The following AP3B1 variants were observed in gnomAD, a reference collection of about 807,000 sequenced individuals.
AP3B1 encodes the protein adaptor related protein complex 3 subunit beta 1.
Under a neutral mutation model 132.5 loss-of-function variants are expected in AP3B1, and 61 were observed. The ratio of observed to expected loss-of-function variants is 0.46; its 90% CI spans 0.37 to 0.57. The LOEUF is 0.57. AP3B1 is among the 20% of genes least tolerant of loss of function. AP3B1 has a pLI of 0.00. For synonymous variants in AP3B1, 388 were observed against 438.3 expected (o/e 0.89, Z 1.43); for missense variants, 1,120 against 1,289.4 (o/e 0.87, Z 2.01).
chr5:78,087,765 A>AT (rs774197593), intron 22 of AP3B1: 6 of 848,370 alleles, frequency 7.1e-6, no homozygotes, highest in Non-Finnish European at 8.5e-6. Context: ...AAGCTTTTCT[A>AT]ATCTCAACTG....
At chr5:78,201,622 G>T (rs1745291813) in intron 7 of AP3B1, among the ~76,000 whole-genome samples, 1 of 152,132 alleles carries the variant, frequency 6.6e-6, no homozygotes, top group African/African-American at 2.4e-5. Flanking sequence ...ATTAATCTTT[G>T]TTATCAGTAA....
At chr5:78,237,039 T>C (rs1007780637) in intron 3 of AP3B1, among the ~76,000 whole-genome samples, 5 of 152,246 alleles carry the variant, frequency 3.3e-5, no homozygotes, top group Admixed American at 3.3e-4. Context: ...ATCAAGTCAT[T>C]TAAATCCAGT....
intron 26 of AP3B1, among the ~76,000 whole-genome samples, chr5:78,013,407 AC>A (rs199733917): frequency 0.036 from 5,410 of 152,206 alleles, 321 homozygotes; most frequent in African/African-American, 0.12. Flanking sequence ...AGAAAAGTTA[AC>A]AAAAAAAAGA....
rs773301019 is a variant in AP3B1 at position 78,129,312 on chromosome 5, TG to T, written c.1651-6del. The stretch of plus-strand genomic sequence containing the variant: ...GTACTGGGTAAGCAATTTTGTCTGT[TG>T]GAAAAAAACAGATCAAGATGAGAAT... On this transcript the variant is annotated splice_polypyrimidine_tract_variant and splice_region_variant and intron_variant, in intron 15 of 26. Coordinates refer to ENST00000255194, the MANE Select transcript of AP3B1 (RefSeq NM_003664.5). The T allele has an allele frequency of 6.2e-7, 1 of 1,606,590 alleles. No homozygotes were observed. The highest frequency in any genetic ancestry group is 8.5e-7 in the Non-Finnish European group (1 of 1,173,412).
chr5:78,237,452 C>T (rs1456247793), intron 3 of AP3B1, among the ~76,000 whole-genome samples: 1 of 152,046 alleles, frequency 6.6e-6, no homozygotes, highest in Non-Finnish European at 1.5e-5. Context: ...TGTGTTCATG[C>T]CACTACAGTT....
At chr5:78,258,402 G>A (rs1747939124) in intron 2 of AP3B1, among the ~76,000 whole-genome samples, 1 of 152,184 alleles carries the variant, frequency 6.6e-6, no homozygotes, top group African/African-American at 2.4e-5. Context: ...CTCAAAAGAA[G>A]ACATGCAATT....
At chr5:78,097,474 T>A (rs1386484473) in intron 21 of AP3B1, among the ~76,000 whole-genome samples, 1 of 108,986 alleles carries the variant, frequency 9.2e-6, no homozygotes, top group Non-Finnish European at 1.9e-5. Flanking sequence ...GAGGAGCCCC[T>A]CTGCCCGGCC....
intron 4 of AP3B1, 25 bp downstream of exon 4, chr5:78,228,119 T>C (rs2112495721): frequency 6.7e-7 from 1 of 1,501,662 alleles, no homozygotes; most frequent in South Asian, 1.2e-5. Flanking sequence ...CTTGTAGCTA[T>C]TTGCCTACTC....
intron 13 of AP3B1, among the ~76,000 whole-genome samples, chr5:78,157,084 G>C (rs577514014): frequency 4.5e-4 from 69 of 152,198 alleles, no homozygotes; most frequent in Non-Finnish European, 7.8e-4. Context: ...GGAGATGGTG[G>C]GGGGAGGGCG....
At chr5:78,087,157 G>A (rs1051852063) in intron 22 of AP3B1, among the ~76,000 whole-genome samples, 1 of 152,100 alleles carries the variant, frequency 6.6e-6, no homozygotes, top group Non-Finnish European at 1.5e-5. Flanking sequence ...AGGACAACAT[G>A]TTGACTTTAA....
At chr5:78,007,913 A>G (rs1746465726) in intron 26 of AP3B1, among the ~76,000 whole-genome samples, 1 of 152,264 alleles carries the variant, frequency 6.6e-6, no homozygotes, top group South Asian at 2.1e-4. Context: ...TATTTAAAAA[A>G]TCACCTAACA....
intron 22 of AP3B1, among the ~76,000 whole-genome samples, chr5:78,040,448 A>G (rs1172162056): frequency 6.6e-6 from 1 of 152,194 alleles, no homozygotes; most frequent in Non-Finnish European, 1.5e-5. Flanking sequence ...GGTAAAACAA[A>G]TATTTCCTTA....
At position 78,012,407 on chromosome 5, in the gene AP3B1, G is replaced by A. The variant is rs1285607014; in HGVS notation, c.3131+3003C>T. 2.0e-5 allele frequency among the ~76,000 whole-genome samples: 3 copies of A among 151,940 alleles called. No homozygotes were observed. The East Asian group carries it at 5.8e-4, about 29-fold the overall frequency. Reference sequence around the variant, plus strand: ...TTTAATTGCTATTAGCAAAAAGAATGAGAAAAAGTGTTACATACACAGGAT... The same window carrying A: ...TTTAATTGCTATTAGCAAAAAGAATAAGAAAAAGTGTTACATACACAGGAT... On this transcript the variant is annotated intron_variant, in intron 26 of 26. Coordinates refer to ENST00000255194, the MANE Select transcript of AP3B1 (RefSeq NM_003664.5).
At chr5:78,126,504 C>CAAAAAAAAAAAAA (rs70997969) in intron 17 of AP3B1, among the ~76,000 whole-genome samples, 5 of 62,382 alleles carry the variant, frequency 8.0e-5, no homozygotes, top group African/African-American at 3.9e-4. Context: ...GACTCTGTCT[C>CAAAAAAAAAAAAA]AAAAAAAAAA....
intron 26 of AP3B1, 86 bp downstream of exon 26, chr5:78,015,324 T>A (rs1484444339): frequency 2.9e-6 from 4 of 1,399,268 alleles, no homozygotes; most frequent in Non-Finnish European, 4.0e-6. Context: ...GGGTTATTAT[T>A]TCCAAAGAAA....
intron 22 of AP3B1, among the ~76,000 whole-genome samples, chr5:78,054,500 A>C (rs252792): frequency 6.6e-6 from 1 of 152,058 alleles, no homozygotes; most frequent in South Asian, 2.1e-4. Flanking sequence ...TGGTAGTAAC[A>C]ATGATTTCGT....
chr5:78,105,328 G>A (rs365352), intron 20 of AP3B1, among the ~76,000 whole-genome samples: 40,649 of 151,912 alleles, frequency 0.27, 5,929 homozygotes, highest in African/African-American at 0.37. Context: ...CTGGGTAGTT[G>A]TAAGAACACT....
At chr5:78,029,137 T>TA (rs1437439294) in intron 24 of AP3B1, among the ~76,000 whole-genome samples, 2 of 152,220 alleles carry the variant, frequency 1.3e-5, no homozygotes, top group Non-Finnish European at 2.9e-5. Flanking sequence ...TATACCTATT[T>TA]AACCTTACTC....
intron 21 of AP3B1, among the ~76,000 whole-genome samples, chr5:78,096,856 C>CAGGCCAGCCGCCCCGTCCGGGAGGGAGGT (rs1401055260): frequency 8.6e-5 from 13 of 150,832 alleles, no homozygotes; most frequent in African/African-American, 3.2e-4. Context: ...CAGCCCCCGC[C>CAGGCCAGCCGCCCCGTCCGGGAGGGAGGT]AGGCCAGCCG....
Sources: allele counts gnomAD v4.1 joint callset (sites outside exome capture counted in the v4.1 genomes callset), GRCh38; gene constraint gnomAD v4.1.1; transcripts MANE v1.5; gene names NCBI Gene and HGNC (gene_info 2026-07-23, HGNC 2026-07-21).